MBNL2: variants seen among roughly 807,000 people sequenced by gnomAD.
MBNL2 encodes the protein muscleblind like splicing regulator 2.
In MBNL2, 17 loss-of-function variants were observed where a neutral mutation model predicts 41.9. That is an observed-to-expected ratio of 0.41 (90% CI 0.28 to 0.61). The LOEUF is 0.61. Among genes scored for constraint, MBNL2 ranks in the 20% least tolerant of loss-of-function variants. The pLI is 0.35. For synonymous variants in MBNL2, 195 were observed against 182.9 expected (o/e 1.07, Z -0.53); for missense variants, 336 against 505.6 (o/e 0.66, Z 3.22).
chr13:97,164,353 T>C, the MBNL2 span, among the ~76,000 whole-genome samples: 7 of 152,236 alleles, frequency 4.6e-5, no homozygotes, highest in African/African-American at 1.7e-4. Context: ...TATTAGGATT[T>C]TTATGCCTTT....
chr13:97,340,214 C>A (rs1166744539), intron 3 of MBNL2, among the ~76,000 whole-genome samples: 1 of 152,156 alleles, frequency 6.6e-6, no homozygotes, highest in Admixed American at 6.5e-5. Flanking sequence ...AGCCTCTCTG[C>A]AAATCACCGT....
chr13:97,393,973 T>G lies in MBNL2; in HGVS notation c.*2524T>G, dbSNP rs868413849. On this transcript the variant is annotated 3_prime_UTR_variant, in exon 9 of 9. Transcript: ENST00000679496. ...TACCACTGGTAACATTTCTACTAAA[T>G]CTTTCTGTAACACTTAAAGAATTCC... is the stretch of plus-strand genomic sequence containing the variant. The G allele has an allele frequency of 1.3e-4, 20 of 152,716 alleles. No individual in the cohort carries two copies. The highest frequency in any genetic ancestry group is 9.8e-4 in the Admixed American group (15 of 15,284). The allele number at this position is 152,716 out of a possible 1,614,324, so 9.5% of individuals were successfully genotyped here.
At chr13:97,218,430 C>CAAAAAAAAAAAA (rs746110575), upstream of MBNL2, among the ~76,000 whole-genome samples, 175 of 68,830 alleles carry the variant, frequency 2.5e-3, 1 homozygote, top group Non-Finnish European at 3.2e-3. Flanking sequence ...AAAAACAAAA[C>CAAAAAAAAAAAA]AAAACAAAAC....
chr13:97,221,201 A>G (rs889016007), upstream of MBNL2, among the ~76,000 whole-genome samples: 1 of 152,224 alleles, frequency 6.6e-6, no homozygotes, highest in African/African-American at 2.4e-5. Context: ...TCAACCTTTC[A>G]GATGAATAAA....
At chr13:97,158,874 T>C in the MBNL2 span, among the ~76,000 whole-genome samples, 1 of 151,834 alleles carries the variant, frequency 6.6e-6, no homozygotes, top group South Asian at 2.1e-4. Context: ...TATATTCTGT[T>C]GATTTGGGGT....
Position 97,283,170 on chromosome 13 carries a change from C to T in MBNL2, c.174+6761C>T, listed in dbSNP as rs925855606. On this transcript the variant is annotated intron_variant, in intron 2 of 8. Transcript: ENST00000679496. ...TCCCTCTAATGCCACCTCTTCCTCC[C>T]CTTGCTCCCTCAGTGTGGATGCTCT... 2.0e-5 allele frequency among the ~76,000 whole-genome samples: 3 copies of T among 152,198 alleles called. 1 individual carries two copies. Among genetic ancestry groups the T allele is most frequent in the East Asian group, 3.8e-4 (2 of 5,196 alleles).
chr13:97,171,058 AC>A, the MBNL2 span, among the ~76,000 whole-genome samples: 3 of 152,236 alleles, frequency 2.0e-5, no homozygotes, highest in African/African-American at 7.2e-5. Context: ...CCAAAGTTGT[AC>A]AGTGGAAGTA....
chr13:97,173,833 T>A, the MBNL2 span, among the ~76,000 whole-genome samples: 21 of 152,330 alleles, frequency 1.4e-4, no homozygotes, highest in South Asian at 8.3e-4. Flanking sequence ...TGTGGAATCA[T>A]CTTTCAGTAC....
At chr13:97,281,079 T>G (rs1171771405) in intron 2 of MBNL2, among the ~76,000 whole-genome samples, 1 of 152,228 alleles carries the variant, frequency 6.6e-6, no homozygotes, top group East Asian at 1.9e-4. Flanking sequence ...GTGATCACTC[T>G]TGTATTCCTA....
At chr13:97,253,102 A>G (rs531852950) in intron 1 of MBNL2, among the ~76,000 whole-genome samples, 1 of 152,352 alleles carries the variant, frequency 6.6e-6, no homozygotes, top group African/African-American at 2.4e-5. Flanking sequence ...CATAAATATC[A>G]GTTTTATGAT....
intron 2 of MBNL2, among the ~76,000 whole-genome samples, chr13:97,332,868 G>A (rs992686827): frequency 1.3e-5 from 2 of 152,208 alleles, no homozygotes; most frequent in Non-Finnish European, 2.9e-5. Flanking sequence ...CCTCCCCAAA[G>A]AGGGTGACGC....
At chr13:97,206,243 A>AT in the MBNL2 span, among the ~76,000 whole-genome samples, 71 of 151,870 alleles carry the variant, frequency 4.7e-4, 2 homozygotes, top group East Asian at 0.013. Flanking sequence ...AGCCACGTAG[A>AT]TTTTTTTTCT....
chr13:97,304,532 T>C (rs1187935864), intron 2 of MBNL2, among the ~76,000 whole-genome samples: 2 of 152,212 alleles, frequency 1.3e-5, no homozygotes, highest in Non-Finnish European at 2.9e-5. Flanking sequence ...TGCAATGATC[T>C]GACAAGTGAA....
intron 2 of MBNL2, among the ~76,000 whole-genome samples, chr13:97,331,011 CAT>C: frequency 6.6e-6 from 1 of 152,180 alleles, no homozygotes; most frequent in Admixed American, 6.5e-5. Context: ...TAATTTTAAA[CAT>C]AAAATATTTG....
In MBNL2 at chr13:97,343,149, G is replaced by A; in HGVS notation, c.473G>A (p.Gly158Glu). ...CCCACCACGCCTGTTATTGTTCCCG[G>A]AAGTCCACCGGTCACTGTCCCGGGC... ...ILPTTPVIVPGSPPVTVPGST... is the reference protein window; with the variant it reads ...ILPTTPVIVPESPPVTVPGST... The change falls in exon 4 of 9, where the codon GGA becomes GAA. Residue 158 changes from glycine to glutamate, a missense_variant. Physicochemically the swap from Gly to Glu is moderately conservative, Grantham distance 98. Transcript: ENST00000679496. 1 of 1,614,014 alleles carries A rather than the reference G, an allele frequency of 6.2e-7. No homozygotes were observed. The highest frequency in any genetic ancestry group is 8.5e-7 in the Non-Finnish European group (1 of 1,179,952).
the MBNL2 span, among the ~76,000 whole-genome samples, chr13:97,157,203 G>T: frequency 7.0e-6 from 1 of 142,412 alleles, no homozygotes; most frequent in Non-Finnish European, 1.5e-5. Flanking sequence ...TTTGTCTGTT[G>T]TTGGTGTATA....
intron 2 of MBNL2, among the ~76,000 whole-genome samples, chr13:97,329,712 C>T (rs1051106679): frequency 0.13 from 22 of 168 alleles, no homozygotes; most frequent in Non-Finnish European, 0.19. Context: ...ATGCAGCACA[C>T]ATACAACATA....
At chr13:97,149,416 C>A in the MBNL2 span, among the ~76,000 whole-genome samples, 6 of 152,086 alleles carry the variant, frequency 3.9e-5, no homozygotes, top group Non-Finnish European at 7.3e-5. Context: ...TAGAGAGCAG[C>A]CCCAGTGCTC....
intron 2 of MBNL2, among the ~76,000 whole-genome samples, chr13:97,286,923 G>A (rs1426437432): frequency 6.6e-6 from 1 of 152,176 alleles, no homozygotes; most frequent in Non-Finnish European, 1.5e-5. Context: ...TGGGAGGCAG[G>A]GACCGCGTTG....
Sources: allele counts gnomAD v4.1 joint callset (sites outside exome capture counted in the v4.1 genomes callset), GRCh38; gene constraint gnomAD v4.1.1; transcripts MANE v1.5; gene names NCBI Gene and HGNC (gene_info 2026-07-23, HGNC 2026-07-21).